IPPK: variants seen among roughly 807,000 people sequenced by gnomAD.
IPPK encodes the protein IPK1 homolog.
Under a neutral mutation model 64.6 loss-of-function variants are expected in IPPK, and 22 were observed. The observed-to-expected ratio is 0.34, with a 90% CI of 0.24 to 0.49. IPPK has a LOEUF of 0.49. Ranked by LOEUF, IPPK falls within the 20% of genes least tolerant of loss-of-function variation. The pLI is 0.99. For synonymous variants in IPPK, 262 were observed against 247.2 expected (o/e 1.06, Z -0.56); for missense variants, 532 against 630.7 (o/e 0.84, Z 1.68).
chr9:92,642,179 C>A (rs1026909009), intron 7 of IPPK, among the ~76,000 whole-genome samples: 4 of 152,250 alleles, frequency 2.6e-5, no homozygotes, highest in African/African-American at 9.6e-5. Context: ...CAGCTCCCAG[C>A]CACTACCGCC....
intron 3 of IPPK, 44 bp from the exon 4 acceptor site, chr9:92,652,683 A>C: frequency 9.2e-7 from 1 of 1,084,924 alleles, no homozygotes; most frequent in Non-Finnish European, 1.4e-6. Flanking sequence ...TTGCACAATG[A>C]CATGAACACA....
chr9:92,634,486 T>A lies in IPPK; in HGVS notation c.1070A>T (p.Lys357Ile). The A allele has an allele frequency of 6.2e-7, 1 of 1,611,622 alleles. No individual in the cohort carries two copies. ...ATAAGGCCCATCTATTTGTAAGGTT[T>A]TTCTGAAGAAGAAAGCACAATAAAA... is the stretch of plus-strand genomic sequence containing the variant. ...RYLEEFPEER[K>I]TLQIDGPYDE... Residue 357 changes from lysine to isoleucine, a missense_variant and splice_region_variant, in exon 11 of 13, where the codon AAA (lysine) becomes ATA (isoleucine). Coordinates refer to ENST00000287996, the MANE Select transcript of IPPK (RefSeq NM_022755.6).
At chr9:92,619,433 G>A in intron 12 of IPPK, 53 bp downstream of exon 12, 1 of 1,380,516 alleles carries the variant, frequency 7.2e-7, no homozygotes, top group Admixed American at 2.0e-5. Context: ...TTCACCAACT[G>A]TCCATAAAAC....
At chr9:92,652,341 C>A (rs140359079) in intron 4 of IPPK, among the ~76,000 whole-genome samples, 1 of 149,368 alleles carries the variant, frequency 6.7e-6, no homozygotes. Context: ...CCCAGCTACT[C>A]GGGAGGCTGA....
At position 92,649,388 on chromosome 9, in the gene IPPK, T is replaced by C. The variant is rs1287457806; in HGVS notation, c.414+65A>G. ...AACTGGAACCCAAGGCACGTGACTC[T>C]TGGACTTACTACCCAAGACTGACCT... On this transcript the variant is annotated intron_variant, in intron 5 of 12. Transcript: ENST00000287996. 9 of 1,599,640 alleles carry C rather than the reference T, an allele frequency of 5.6e-6. No homozygotes were observed. In the East Asian group the frequency reaches 1.8e-4, roughly 32 times the overall value.
At chr9:92,649,376 G>C (rs984829941) in intron 5 of IPPK, 77 bp downstream of exon 5, 2 of 1,559,874 alleles carry the variant, frequency 1.3e-6, no homozygotes, top group African/African-American at 2.7e-5. Flanking sequence ...TGGAACCCAA[G>C]GCACGTGACT....
chr9:92,669,787 G>A, intron 1 of IPPK, 121 bp downstream of exon 1: 1 of 670,362 alleles, frequency 1.5e-6, no homozygotes, highest in South Asian at 1.7e-5. Context: ...GACCGGCCGG[G>A]GAGGAGGAAG....
chr9:92,652,148 C>A (rs1852279096), intron 4 of IPPK, among the ~76,000 whole-genome samples: 1 of 151,012 alleles, frequency 6.6e-6, no homozygotes, highest in Non-Finnish European at 1.5e-5. Flanking sequence ...AAGTTTCTGG[C>A]AAAAGAATTA....
At chr9:92,667,469 C>G (rs1234597724) in intron 1 of IPPK, among the ~76,000 whole-genome samples, 2 of 152,192 alleles carry the variant, frequency 1.3e-5, no homozygotes. Flanking sequence ...AGGCTTGGTT[C>G]AGGTTACCAC....
At chr9:92,656,904 A>G (rs1186602088) in intron 2 of IPPK, among the ~76,000 whole-genome samples, 1 of 152,154 alleles carries the variant, frequency 6.6e-6, no homozygotes, top group African/African-American at 2.4e-5. Flanking sequence ...CTCAATCTCT[A>G]AAGAGATTTT....
At position 92,615,916 on chromosome 9, in the gene IPPK, C is replaced by G; in HGVS notation, c.1392G>C (p.Lys464Asn). 1 of 1,614,166 alleles carries G rather than the reference C, an allele frequency of 6.2e-7. No individual in the cohort carries two copies. Among genetic ancestry groups the G allele is most frequent in the Non-Finnish European group, 8.5e-7 (1 of 1,180,024 alleles). Residue 464 changes from lysine (K) to asparagine (N), a missense_variant, in exon 13 of 13, where the codon AAG becomes AAC. By Grantham distance (94) the Lys-to-Asn change is moderately conservative (BLOSUM62 0). Transcript: ENST00000287996. ...CGGCGTTGTCTTTGGCACGTACAGT[C>G]TTTGAATAATAGTTGACGATCTTGC... is the stretch of plus-strand genomic sequence containing the variant. ...LDGKIVNYYS[K>N]TVRAKDNAVM...
intron 12 of IPPK, 60 bp downstream of exon 12, chr9:92,619,426 A>C: frequency 1.5e-6 from 2 of 1,333,954 alleles, no homozygotes; most frequent in Non-Finnish European, 2.1e-6. Flanking sequence ...TTAACAATTC[A>C]CCAACTGTCC....
At chr9:92,668,563 C>T (rs1487548808) in intron 1 of IPPK, among the ~76,000 whole-genome samples, 1 of 152,218 alleles carries the variant, frequency 6.6e-6, no homozygotes, top group African/African-American at 2.4e-5. Context: ...TGCAGAGATA[C>T]ATCTAATCTT....
At chr9:92,626,896 T>C (rs1046413837) in intron 11 of IPPK, among the ~76,000 whole-genome samples, 1 of 149,990 alleles carries the variant, frequency 6.7e-6, no homozygotes, top group Non-Finnish European at 1.5e-5. Context: ...AGATGTTGTA[T>C]GAAATGTTTA....
chr9:92,644,677 G>A (rs1400232470), intron 6 of IPPK, among the ~76,000 whole-genome samples: 2 of 152,142 alleles, frequency 1.3e-5, no homozygotes, highest in African/African-American at 4.8e-5. Context: ...TAAGCTAACT[G>A]AGCAGACTTT....
At position 92,652,650 on chromosome 9, in the gene IPPK, A is replaced by G; in HGVS notation, c.226-11T>C. The G allele has an allele frequency of 6.6e-7, 1 of 1,511,140 alleles. No homozygotes were observed. The highest frequency in any genetic ancestry group is 9.1e-7 in the Non-Finnish European group (1 of 1,100,396). 93.6% of individuals were successfully genotyped at this position (1,511,140 alleles called of 1,614,324 possible). ...TAGCTGAACGACCTCCTGTAAGAAA[A>G]TACATGAAATTCTCAGTGTGAATTG... On this transcript the variant is annotated splice_polypyrimidine_tract_variant and intron_variant, in intron 3 of 12. Transcript: ENST00000287996.
chr9:92,642,704 T>G, intron 7 of IPPK, 48 bp downstream of exon 7: 72 of 1,213,572 alleles, frequency 5.9e-5, no homozygotes, highest in East Asian at 1.4e-4. Context: ...GCCCTACCCA[T>G]CTCCAGGGAA....
At chr9:92,641,343 G>C (rs1852042619) in intron 7 of IPPK, among the ~76,000 whole-genome samples, 3 of 152,120 alleles carry the variant, frequency 2.0e-5, no homozygotes, top group Admixed American at 2.0e-4. Context: ...GCAAGCACAC[G>C]AGCCTGACCC....
chr9:92,619,625 A>C (rs1588330994), intron 11 of IPPK, 60 bp from the exon 12 acceptor site: 2 of 1,423,226 alleles, frequency 1.4e-6, no homozygotes, highest in Non-Finnish European at 1.9e-6. Context: ...CCCCCACACA[A>C]CCTTCCTTCC....
Sources: allele counts gnomAD v4.1 joint callset (sites outside exome capture counted in the v4.1 genomes callset), GRCh38; gene constraint gnomAD v4.1.1; transcripts MANE v1.5; gene names NCBI Gene and HGNC (gene_info 2026-07-23, HGNC 2026-07-21).